Variants in ABHD12B observed in about 807,000 individuals in gnomAD.
ABHD12B encodes the protein protein ABHD12B.
A neutral mutation model predicts 50.4 loss-of-function variants in ABHD12B; 42 were observed. That is an observed-to-expected ratio of 0.83 (90% CI 0.65 to 1.08). The LOEUF (loss-of-function observed/expected upper bound fraction) is 1.08. Ranked by LOEUF, ABHD12B falls within the 50% of genes least tolerant of loss-of-function variation. The pLI is 0.00. For missense variants in ABHD12B, 479 were observed against 447.7 expected, an observed-to-expected ratio of 1.07 and a Z score of -0.63; for synonymous variants, 167 against 160.3, an observed-to-expected ratio of 1.04 and a Z score of -0.32.
intron 1 of ABHD12B, among the ~76,000 whole-genome samples, chr14:50,876,025 C>T (rs1405549633): frequency 6.6e-6 from 1 of 152,186 alleles, no homozygotes; most frequent in Non-Finnish European, 1.5e-5. Context: ...AGGCACAGTT[C>T]AGCCTTGGGT....
chr14:50,892,557 C>CA, intron 9 of ABHD12B: 1 of 985,418 alleles, frequency 1.0e-6, no homozygotes, highest in Non-Finnish European at 1.2e-6. Context: ...AGCCAACACT[C>CA]ACAGCAGAAG....
intron 8 of ABHD12B, among the ~76,000 whole-genome samples, chr14:50,886,953 C>T (rs1436813705): frequency 2.0e-5 from 3 of 152,120 alleles, no homozygotes; most frequent in Admixed American, 6.5e-5. Context: ...TGGTGGCTCA[C>T]GCCTGTAATC....
intron 4 of ABHD12B, among the ~76,000 whole-genome samples, chr14:50,880,846 C>T (rs1018342242): frequency 5.3e-5 from 8 of 152,120 alleles, no homozygotes; most frequent in Admixed American, 1.3e-4. Context: ...CCTTTGCTCC[C>T]GAAGAGTGTC....
Position 50,904,599 on chromosome 14 carries a change from G to T in ABHD12B, c.*233G>T. 1 of 588,786 alleles carries T rather than the reference G, an allele frequency of 1.7e-6. No individual in the cohort carries two copies. Among genetic ancestry groups the T allele is most frequent in the Admixed American group, 3.0e-5 (1 of 33,440 alleles). The allele number at this position is 588,786 out of a possible 1,614,324, so 36.5% of individuals were successfully genotyped here. A position where few individuals can be genotyped will look rare whatever the true frequency, so the allele number is the denominator to read the frequency against. On this transcript the variant is annotated 3_prime_UTR_variant, in exon 13 of 13. Coordinates refer to ENST00000337334, the MANE Select transcript of ABHD12B (RefSeq NM_001206673.2). ...AAACATGCTGAAACCTCACTGTGGAGAACCAGAATTTGGTAAAATCTAGAT... is the reference window on the plus strand; with the variant it reads ...AAACATGCTGAAACCTCACTGTGGATAACCAGAATTTGGTAAAATCTAGAT...
chr14:50,881,511 G>T (rs1424739040), intron 4 of ABHD12B, 85 bp from the exon 5 acceptor site: 2 of 1,453,930 alleles, frequency 1.4e-6, no homozygotes, highest in African/African-American at 2.9e-5. Flanking sequence ...TCAGATACCA[G>T]CAGCACGAGA....
chr14:50,882,877 G>A (rs550610382), intron 5 of ABHD12B, among the ~76,000 whole-genome samples: 5 of 151,546 alleles, frequency 3.3e-5, no homozygotes, highest in Admixed American at 1.3e-4. Flanking sequence ...AGGCTGAGGT[G>A]AGAGGATTGC....
intron 1 of ABHD12B, among the ~76,000 whole-genome samples, chr14:50,874,360 G>A (rs1307594170): frequency 6.6e-6 from 1 of 152,102 alleles, no homozygotes; most frequent in African/African-American, 2.4e-5. Flanking sequence ...CAGCACTTTG[G>A]GAAGCCAAGG....
chr14:50,891,046 G>A lies in ABHD12B; in HGVS notation c.780+2143G>A, dbSNP rs551852477. 3.9e-5 allele frequency: 6 copies of A among 152,174 alleles called. No individual in the cohort carries two copies. In the East Asian group the frequency reaches 1.2e-3, roughly 29 times the overall value. 9.4% of individuals were successfully genotyped at this position (152,174 alleles called of 1,614,324 possible). A position where few individuals can be genotyped will look rare whatever the true frequency, so the allele number is the denominator to read the frequency against. On this transcript the variant is annotated intron_variant, in intron 9 of 12. Transcript: ENST00000337334. ...TGGGCAACTTTTAATATGTTTATTA[G>A]CCATTTGGATATCATCTTTTGTGAG...
At position 50,904,876 on chromosome 14, in the gene ABHD12B, T is replaced by C. The variant is rs1453250548; in HGVS notation, c.*510T>C. 4.3e-6 allele frequency: 1 copy of C among 233,702 alleles called. No individual in the cohort carries two copies. The highest frequency in any genetic ancestry group is 8.4e-6 in the Non-Finnish European group (1 of 119,508). 14.5% of individuals were successfully genotyped at this position (233,702 alleles called of 1,614,324 possible). A position where few individuals can be genotyped will look rare whatever the true frequency, so the allele number is the denominator to read the frequency against. ...AAGCCTTCATCTATGAACCACAAAGTAGCCCTCATCAGACACTGAATCAGC... is the reference window on the plus strand; with the variant it reads ...AAGCCTTCATCTATGAACCACAAAGCAGCCCTCATCAGACACTGAATCAGC... On this transcript the variant is annotated 3_prime_UTR_variant, in exon 13 of 13. Coordinates refer to ENST00000337334, the MANE Select transcript of ABHD12B (RefSeq NM_001206673.2).
chr14:50,885,511 G>C (rs2050023009), intron 5 of ABHD12B, 103 bp from the exon 6 acceptor site: 1 of 1,347,630 alleles, frequency 7.4e-7, no homozygotes, highest in South Asian at 1.2e-5. Flanking sequence ...AATTACCTTT[G>C]AAAGAGCCCT....
chr14:50,886,909 A>G (rs1410639564), intron 8 of ABHD12B, among the ~76,000 whole-genome samples: 1 of 152,220 alleles, frequency 6.6e-6, no homozygotes, highest in Non-Finnish European at 1.5e-5. Flanking sequence ...GGAACAAGTT[A>G]AAATCACCTT....
At chr14:50,872,322 A>C in intron 1 of ABHD12B, 44 bp downstream of exon 1, 1 of 1,231,758 alleles carries the variant, frequency 8.1e-7, no homozygotes, top group South Asian at 3.0e-5. Context: ...CCGACGGCTC[A>C]GGCTGCGCGG....
chr14:50,878,620 G>A lies in ABHD12B; in HGVS notation c.233-125G>A, dbSNP rs997910027. 5.9e-5 allele frequency: 43 copies of A among 729,748 alleles called. No homozygotes were observed. In the African/African-American group the frequency reaches 6.9e-4, roughly 12 times the overall value. 45.2% of individuals were successfully genotyped at this position (729,748 alleles called of 1,614,324 possible). On this transcript the variant is annotated intron_variant, in intron 2 of 12. Transcript: ENST00000337334. ...CTGATAAAATAAAATACTCTGCTAG[G>A]AGTTTAGTGTAGTAGCTTGCAACTT... is the stretch of plus-strand genomic sequence containing the variant.
chr14:50,895,594 A>G (rs1284888513), intron 9 of ABHD12B: 1 of 152,046 alleles, frequency 6.6e-6, no homozygotes, highest in African/African-American at 2.4e-5. Flanking sequence ...ACTCTGGCCC[A>G]AGGCTCTCTG....
rs1266884595 is a variant in ABHD12B, at chr14:50,901,866, TG to T, written c.820del (p.Asp274MetfsTer3). 3.8e-6 allele frequency: 6 copies of T among 1,594,626 alleles called. No individual in the cohort carries two copies. Among genetic ancestry groups the T allele is most frequent in the Non-Finnish European group, 5.1e-6 (6 of 1,174,982 alleles). On this transcript the variant is annotated frameshift_variant, in exon 10 of 13. Transcript: ENST00000337334. LOFTEE classifies it high-confidence loss of function. ...RNIPGFLRTL[M>X]DALRKDKIIF... ...ATTCCAGGATTTTTACGTACACTTA[TG>T]GATGCCCTGAGAAAAGACAAAATAA...
At chr14:50,888,946 T>C (rs2050079934) in intron 9 of ABHD12B, 43 bp downstream of exon 9, 1 of 1,519,534 alleles carries the variant, frequency 6.6e-7, no homozygotes, top group Non-Finnish European at 9.1e-7. Flanking sequence ...AAGTAGGCTA[T>C]TTTGATACAG....
At chr14:50,896,685 G>A (rs111337636) in intron 9 of ABHD12B, among the ~76,000 whole-genome samples, 2,091 of 148,462 alleles carry the variant, frequency 0.014, 37 homozygotes, top group Non-Finnish European at 0.021. Flanking sequence ...TGTGACCCCC[G>A]CCCCTGCCCA....
intron 2 of ABHD12B, among the ~76,000 whole-genome samples, chr14:50,878,418 T>C (rs961585204): frequency 6.6e-6 from 1 of 152,244 alleles, no homozygotes; most frequent in Admixed American, 6.5e-5. Context: ...CTTATTATTT[T>C]CTTCTAGGCC....
intron 3 of ABHD12B, 35 bp downstream of exon 3, chr14:50,878,882 G>A (rs957108922): frequency 1.4e-5 from 22 of 1,561,986 alleles, no homozygotes; most frequent in Non-Finnish European, 1.9e-5. Flanking sequence ...GTTGCTTGAT[G>A]GGGCAGGTGT....
Sources: gnomAD v4.1 joint callset for allele counts (sites outside exome capture counted in the v4.1 genomes callset) on GRCh38, gnomAD v4.1.1 for gene constraint, MANE v1.5 for transcripts, NCBI Gene and HGNC (gene_info 2026-07-23, HGNC 2026-07-21) for gene names.